SYNE2: variants seen among roughly 807,000 people sequenced by gnomAD.
SYNE2 encodes nesprin-2.
A neutral mutation model predicts 856.3 loss-of-function variants in SYNE2; 431 were observed. The ratio of observed to expected loss-of-function variants is 0.50; its 90% CI spans 0.47 to 0.55. SYNE2 has a LOEUF of 0.55. Among genes scored for constraint, SYNE2 ranks in the 20% least tolerant of loss-of-function variants. The pLI is 0.00. For synonymous variants in SYNE2, 2,923 were observed against 2,872.3 expected (o/e 1.02, Z -0.56); for missense variants, 8,129 against 8,023.2 (o/e 1.01, Z -0.50).
chr14:64,139,406 T>C (rs1052384018), intron 79 of SYNE2, among the ~76,000 whole-genome samples: 1 of 151,314 alleles, frequency 6.6e-6, no homozygotes, highest in Non-Finnish European at 1.5e-5. Flanking sequence ...TTCCTCATTA[T>C]TATTATTATT....
chr14:64,161,019 T>C (rs1051690984), intron 87 of SYNE2, among the ~76,000 whole-genome samples: 3 of 152,156 alleles, frequency 2.0e-5, no homozygotes, highest in African/African-American at 4.8e-5. Context: ...ACTTATTTTC[T>C]TTTATTACTA....
At chr14:63,833,134 A>G (rs1889729378) in intron 1 of SYNE2, among the ~76,000 whole-genome samples, 1 of 151,832 alleles carries the variant, frequency 6.6e-6, no homozygotes, top group South Asian at 2.1e-4. Flanking sequence ...CCTGGATCCC[A>G]GGATTTCAAG....
intron 43 of SYNE2, among the ~76,000 whole-genome samples, chr14:64,028,992 C>T (rs540539941): frequency 1.3e-5 from 2 of 152,074 alleles, no homozygotes; most frequent in Admixed American, 6.5e-5. Flanking sequence ...AAAAATTAGC[C>T]GGGCATGGTG....
At chr14:64,135,361 A>G (rs1300688915) in intron 78 of SYNE2, among the ~76,000 whole-genome samples, 1 of 152,186 alleles carries the variant, frequency 6.6e-6, no homozygotes, top group Admixed American at 6.5e-5. Flanking sequence ...TAACCTCTAT[A>G]AGGAACATTT....
chr14:64,092,808 C>A (rs1401643171), intron 60 of SYNE2, among the ~76,000 whole-genome samples: 1 of 152,072 alleles, frequency 6.6e-6, no homozygotes, highest in Non-Finnish European at 1.5e-5. Flanking sequence ...TGTTCTTGAA[C>A]CCTCAGCCTC....
chr14:63,929,695 C>T (rs1183135043), intron 2 of SYNE2, among the ~76,000 whole-genome samples: 3 of 150,938 alleles, frequency 2.0e-5, no homozygotes, highest in South Asian at 2.1e-4. Flanking sequence ...TGCATGAACA[C>T]GGGAGGCGGA....
chr14:64,094,490 G>A (rs901957563), intron 61 of SYNE2, among the ~76,000 whole-genome samples: 1 of 152,162 alleles, frequency 6.6e-6, no homozygotes, highest in Non-Finnish European at 1.5e-5. Context: ...AAACGTGATT[G>A]TATGCTAAGG....
chr14:63,883,939 T>C (rs1008474287), intron 1 of SYNE2, among the ~76,000 whole-genome samples: 1 of 150,806 alleles, frequency 6.6e-6, no homozygotes, highest in Non-Finnish European at 1.5e-5. Context: ...AAAAAATATA[T>C]TGTGCCCTCA....
chr14:64,167,063 G>A, intron 90 of SYNE2, 170 bp from the exon 91 acceptor site: 1 of 747,106 alleles, frequency 1.3e-6, no homozygotes, highest in South Asian at 1.8e-5. Context: ...ACAGCATTGA[G>A]ATAGCTGAAT....
chr14:64,071,019 G>A (rs2097402111), intron 52 of SYNE2, 109 bp downstream of exon 52: 1 of 1,117,754 alleles, frequency 8.9e-7, no homozygotes, highest in Non-Finnish European at 1.3e-6. Context: ...GAATTGAGGT[G>A]AGACAACACT....
At position 64,224,998 on chromosome 14, in the gene SYNE2, G is replaced by A. The variant is rs768422375; in HGVS notation, c.20470-1G>A. Reference sequence around the variant, plus strand: ...CTAACTGGAGTTTCTTTACCCAGCAGTTCAGAGCAGTGAGAACTACAGAAG... The same window carrying A: ...CTAACTGGAGTTTCTTTACCCAGCAATTCAGAGCAGTGAGAACTACAGAAG... On this transcript the variant is annotated splice_acceptor_variant, in intron 114 of 115. Transcript: ENST00000555002. LOFTEE classifies it high-confidence loss of function. 2 of 1,613,642 alleles carry A rather than the reference G, an allele frequency of 1.2e-6. No individual in the cohort carries two copies. The highest frequency in any genetic ancestry group is 1.7e-6 in the Non-Finnish European group (2 of 1,179,924).
chr14:63,948,257 T>C (rs1294001305), intron 6 of SYNE2, among the ~76,000 whole-genome samples: 1 of 151,742 alleles, frequency 6.6e-6, no homozygotes, highest in Non-Finnish European at 1.5e-5. Flanking sequence ...AGAAAAAAAT[T>C]GACATTTAAA....
intron 2 of SYNE2, among the ~76,000 whole-genome samples, chr14:63,935,342 A>C (rs1030445758): frequency 3.3e-5 from 5 of 152,240 alleles, no homozygotes; most frequent in African/African-American, 1.2e-4. Context: ...GAATGGATTA[A>C]AAAGGAAAAA....
intron 1 of SYNE2, among the ~76,000 whole-genome samples, chr14:63,780,058 C>G (rs1887252546): frequency 6.6e-6 from 1 of 152,068 alleles, no homozygotes; most frequent in South Asian, 2.1e-4. Flanking sequence ...GATCATAGGA[C>G]ACATGGTCAA....
At chr14:64,124,994 C>G (rs2097928261) in intron 70 of SYNE2, 85 bp from the exon 71 acceptor site, 1 of 1,554,852 alleles carries the variant, frequency 6.4e-7, no homozygotes, top group Non-Finnish European at 8.8e-7. Context: ...CAGAGCAAGA[C>G]TCCATCTCGA....
At chr14:64,089,736 C>T (rs1567262973) in intron 59 of SYNE2, 40 bp downstream of exon 59, 17 of 1,436,128 alleles carry the variant, frequency 1.2e-5, no homozygotes, top group Non-Finnish European at 1.7e-5. Flanking sequence ...TCTTATGATA[C>T]TTATTATGTC....
chr14:63,946,143 T>C (rs1258349891), intron 6 of SYNE2, among the ~76,000 whole-genome samples: 1 of 152,168 alleles, frequency 6.6e-6, no homozygotes, highest in African/African-American at 2.4e-5. Flanking sequence ...TATTCTAGGC[T>C]GGGTGCAGCG....
chr14:63,802,184 G>A (rs982803933), intron 1 of SYNE2, among the ~76,000 whole-genome samples: 5 of 151,620 alleles, frequency 3.3e-5, no homozygotes, highest in Non-Finnish European at 7.4e-5. Context: ...TTGGCTTACT[G>A]CAACCTCCGC....
chr14:63,830,396 C>T (rs1347508262), intron 1 of SYNE2, among the ~76,000 whole-genome samples: 3 of 151,914 alleles, frequency 2.0e-5, no homozygotes, highest in Non-Finnish European at 2.9e-5. Flanking sequence ...CATGGTGGCT[C>T]ATGCCTGTAA....
Sources: allele counts gnomAD v4.1 joint callset (sites outside exome capture counted in the v4.1 genomes callset), GRCh38; gene constraint gnomAD v4.1.1; transcripts MANE v1.5; gene names NCBI Gene and HGNC (gene_info 2026-07-23, HGNC 2026-07-21).